The following PHF14 variants were observed in gnomAD, a reference collection of about 807,000 sequenced individuals.
PHF14 encodes PHD finger protein 14.
Under a neutral mutation model 117.9 loss-of-function variants are expected in PHF14, and 55 were observed. That is an observed-to-expected ratio of 0.47 (90% confidence interval 0.38 to 0.58). The LOEUF is 0.58. Among genes scored for constraint, PHF14 ranks in the 20% least tolerant of loss-of-function variants. The probability of loss-of-function intolerance (pLI) is 0.00; values close to 1 mark genes in which losing one functional copy is unlikely to be tolerated. For missense variants in PHF14, 978 were observed against 1,122.2 expected (o/e 0.87, Z 1.84); for synonymous variants, 409 against 368.6 (o/e 1.11, Z -1.26).
intron 4 of PHF14, among the ~76,000 whole-genome samples, chr7:11,008,171 G>A (rs1247308740): frequency 6.6e-6 from 1 of 152,162 alleles, no homozygotes; most frequent in African/African-American, 2.4e-5. Context: ...ATGAGATAAG[G>A]CTTACTAAGA....
intron 4 of PHF14, among the ~76,000 whole-genome samples, chr7:11,003,374 C>G (rs372726769): frequency 1.3e-5 from 2 of 152,186 alleles, no homozygotes. Flanking sequence ...ACCCAGATTC[C>G]TCTTGTTCCA....
chr7:10,974,190 G>C lies in PHF14; in HGVS notation c.-134G>C, dbSNP rs896320183. The C allele has an allele frequency of 1.3e-5, 10 of 782,402 alleles. No homozygotes were observed. The African/African-American group carries it at 1.7e-4, about 13-fold the overall frequency. The allele number at this position is 782,402 out of a possible 1,614,324, so 48.5% of individuals were successfully genotyped here. A position where few individuals can be genotyped will look rare whatever the true frequency, so the allele number is the denominator to read the frequency against. On this transcript the variant is annotated 5_prime_UTR_variant, in exon 1 of 18. Coordinates refer to ENST00000634607, the MANE Select transcript of PHF14 (RefSeq NM_001007157.2). ...GCTACTCTTGGGAGCGCCCCTGTCC[G>C]GCTGGCTGCGCGCCGGTTTTAAATA... is the stretch of plus-strand genomic sequence containing the variant.
At chr7:11,053,751 C>A (rs1171911589) in intron 14 of PHF14, among the ~76,000 whole-genome samples, 1 of 152,068 alleles carries the variant, frequency 6.6e-6, no homozygotes, top group African/African-American at 2.4e-5. Flanking sequence ...TAAAAGAGAA[C>A]TCTTTAACAT....
At chr7:11,104,302 C>G (rs1424044086) in intron 16 of PHF14, 1 of 982,336 alleles carries the variant, frequency 1.0e-6, no homozygotes, top group Non-Finnish European at 1.2e-6. Context: ...TACATATAGA[C>G]TGCAAAATTC....
At chr7:11,117,578 T>C (rs866507327) in intron 17 of PHF14, among the ~76,000 whole-genome samples, 12 of 73,866 alleles carry the variant, frequency 1.6e-4, no homozygotes, top group Non-Finnish European at 2.9e-4. Context: ...CCAAACGATA[T>C]ATATAAATAT....
rs756911506 is a variant in PHF14 at position 11,111,484 on chromosome 7, A to G, written c.2772+17A>G. The G allele has an allele frequency of 2.3e-5, 30 of 1,282,772 alleles. No homozygotes were observed. The highest frequency in any genetic ancestry group is 3.0e-5 in the Non-Finnish European group (27 of 889,678). 79.5% of individuals were successfully genotyped at this position (1,282,772 alleles called of 1,614,324 possible). A position where few individuals can be genotyped will look rare whatever the true frequency, so the allele number is the denominator to read the frequency against. ...TCTTCCAAGGTAAGGGGAGAAGTCTATAAGAAAAGGTATTGGTGTCCTTCC... is the reference window on the plus strand; with the variant it reads ...TCTTCCAAGGTAAGGGGAGAAGTCTGTAAGAAAAGGTATTGGTGTCCTTCC... On this transcript the variant is annotated intron_variant, in intron 17 of 17. Coordinates refer to ENST00000634607, the MANE Select transcript of PHF14 (RefSeq NM_001007157.2).
chr7:11,008,773 C>T (rs778606681), intron 4 of PHF14, among the ~76,000 whole-genome samples: 8 of 152,044 alleles, frequency 5.3e-5, no homozygotes, highest in African/African-American at 7.2e-5. Context: ...CGGTGGCTCA[C>T]GCCTGTAATC....
At chr7:11,126,331 T>G (rs1018740480) in intron 17 of PHF14, among the ~76,000 whole-genome samples, 1 of 152,050 alleles carries the variant, frequency 6.6e-6, no homozygotes, top group African/African-American at 2.4e-5. Flanking sequence ...ATTTTCAGAG[T>G]GTGAATGAAG....
intron 16 of PHF14, among the ~76,000 whole-genome samples, chr7:11,084,399 A>C (rs2906565): frequency 2.0e-5 from 3 of 151,790 alleles, no homozygotes; most frequent in Non-Finnish European, 4.4e-5. Flanking sequence ...ATCATCATCC[A>C]TACTTCTTTC....
intron 11 of PHF14, 24 bp downstream of exon 11, chr7:11,038,879 C>G (rs1362425550): frequency 8.9e-7 from 1 of 1,124,924 alleles, no homozygotes; most frequent in East Asian, 2.5e-5. Context: ...CAATTGCTGT[C>G]TCCTTCAGTT....
At chr7:11,108,709 G>A (rs990369545) in intron 16 of PHF14, 1 of 151,596 alleles carries the variant, frequency 6.6e-6, no homozygotes, top group Non-Finnish European at 1.5e-5. Context: ...TTAATTGTAC[G>A]AGTAGTTGAA....
chr7:11,061,987 A>T lies in PHF14; in HGVS notation c.2556A>T (p.Arg852Ser). ...AGGAAAGAGTTCCTAGAGAGAGAAG[A>T]CAAAGACAGTCTGTGTTGCAAAAGA... is the stretch of plus-strand genomic sequence containing the variant. ...KHEERVPRER[R>S]QRQSVLQKKP... Residue 852 changes from arginine (R) to serine (S), a missense_variant, in exon 16 of 18, where the codon AGA becomes AGT. By Grantham distance (110) the Arg-to-Ser change is moderately radical. This residue lies in a region of PHF14 where 180 missense variants were observed against 195.4 expected (regional missense o/e 0.92). Transcript: ENST00000634607. 1 of 1,601,902 alleles carries T rather than the reference A, an allele frequency of 6.2e-7. No individual in the cohort carries two copies. The highest frequency in any genetic ancestry group is 8.5e-7 in the Non-Finnish European group (1 of 1,173,358).
At chr7:10,993,720 A>G (rs1782537881) in intron 4 of PHF14, among the ~76,000 whole-genome samples, 1 of 152,154 alleles carries the variant, frequency 6.6e-6, no homozygotes, top group African/African-American at 2.4e-5. Flanking sequence ...GTAAAAATTG[A>G]TAAGGGGCTG....
intron 13 of PHF14, among the ~76,000 whole-genome samples, chr7:11,045,561 C>G (rs947339941): frequency 1.3e-5 from 2 of 152,188 alleles, no homozygotes; most frequent in African/African-American, 4.8e-5. Flanking sequence ...ATTTTAAGCA[C>G]TTGCTATCCA....
intron 17 of PHF14, among the ~76,000 whole-genome samples, chr7:11,123,027 A>G (rs548422001): frequency 3.7e-4 from 57 of 152,306 alleles, no homozygotes; most frequent in African/African-American, 1.3e-3. Flanking sequence ...TCTCGCCTTC[A>G]GTGAACTTCT....
intron 17 of PHF14, among the ~76,000 whole-genome samples, chr7:11,139,360 G>T (rs556993694): frequency 2.6e-5 from 4 of 152,046 alleles, no homozygotes; most frequent in African/African-American, 4.8e-5. Context: ...CTGCTATTTG[G>T]AGAGTGTTTG....
intron 4 of PHF14, among the ~76,000 whole-genome samples, chr7:10,996,366 G>T (rs1263969721): frequency 6.6e-6 from 1 of 152,164 alleles, no homozygotes; most frequent in Non-Finnish European, 1.5e-5. Flanking sequence ...AAGATGTTAT[G>T]CAAAGATGTA....
intron 16 of PHF14, among the ~76,000 whole-genome samples, chr7:11,081,931 T>C (rs995647853): frequency 2.0e-5 from 3 of 152,172 alleles, no homozygotes; most frequent in Non-Finnish European, 4.4e-5. Context: ...TTCTCTATCT[T>C]CATAGGTTTT....
intron 17 of PHF14, among the ~76,000 whole-genome samples, chr7:11,127,892 T>A (rs1583487240): frequency 6.7e-6 from 1 of 149,826 alleles, no homozygotes. Context: ...TAAATCATGA[T>A]TTTTTTTTTC....
Sources: allele counts gnomAD v4.1 joint callset (sites outside exome capture counted in the v4.1 genomes callset), GRCh38; gene constraint gnomAD v4.1.1; regional missense constraint gnomAD v4.1.1; transcripts MANE v1.5; gene names NCBI Gene and HGNC (gene_info 2026-07-23, HGNC 2026-07-21).